Variants in SRGAP1 observed in about 807,000 individuals in gnomAD.
SRGAP1 encodes the protein SLIT-ROBO Rho GTPase activating protein 1.
In SRGAP1, 43 loss-of-function variants were observed where a neutral mutation model predicts 121.9. The ratio of observed to expected loss-of-function variants is 0.35; its 90% confidence interval spans 0.28 to 0.46. The LOEUF is 0.46. Ranked by LOEUF, SRGAP1 falls within the 20% of genes least tolerant of loss-of-function variation. The pLI, the probability that SRGAP1 is intolerant of heterozygous loss-of-function variation, is 1.00. For missense variants in SRGAP1, 1,102 were observed against 1,350.9 expected (o/e 0.82, Z 2.89); for synonymous variants, 447 against 485.4 (o/e 0.92, Z 1.04).
chr12:64,003,010 G>C (rs911892497), intron 3 of SRGAP1, among the ~76,000 whole-genome samples: 1 of 145,892 alleles, frequency 6.9e-6, no homozygotes, highest in African/African-American at 2.6e-5. Context: ...CTTGGGGGGG[G>C]TGTGTATGTG....
rs1363345944 is a variant in SRGAP1 at position 64,151,362 on chromosome 12, A to G, written c.*8690A>G. The G allele has an allele frequency of 6.6e-6, 1 of 152,090 alleles. No individual in the cohort carries two copies. Among genetic ancestry groups the G allele is most frequent in the Non-Finnish European group, 1.5e-5 (1 of 68,002 alleles). The allele number at this position is 152,090 out of a possible 1,614,324, so 9.4% of individuals were successfully genotyped here. A position where few individuals can be genotyped will look rare whatever the true frequency, so the allele number is the denominator to read the frequency against. Reference sequence around the variant, plus strand: ...CTGTATAATATTCTAGCGTATGAACACATCATTATTTAACCATTTTCCTGT... The same window carrying G: ...CTGTATAATATTCTAGCGTATGAACGCATCATTATTTAACCATTTTCCTGT... On this transcript the variant is annotated 3_prime_UTR_variant, in exon 22 of 22. Coordinates refer to ENST00000355086, the MANE Select transcript of SRGAP1 (RefSeq NM_020762.4).
intron 5 of SRGAP1, 121 bp downstream of exon 5, chr12:64,043,093 C>T (rs763223601): frequency 8.1e-5 from 58 of 720,364 alleles, no homozygotes; most frequent in Non-Finnish European, 1.1e-4. Context: ...CATTTCCTCC[C>T]ATGGGAATGA....
At chr12:64,052,203 A>G (rs1263726282) in intron 6 of SRGAP1, among the ~76,000 whole-genome samples, 3 of 152,100 alleles carry the variant, frequency 2.0e-5, no homozygotes, top group African/African-American at 7.2e-5. Context: ...TGGAGAAGGG[A>G]AGGAACTGTG....
chr12:63,979,187 A>G (rs544711465), intron 1 of SRGAP1, among the ~76,000 whole-genome samples: 1 of 151,676 alleles, frequency 6.6e-6, no homozygotes, highest in South Asian at 2.1e-4. Context: ...CTACAGGTGC[A>G]CACCACCACG....
At chr12:64,075,392 C>G (rs990229653) in intron 8 of SRGAP1, among the ~76,000 whole-genome samples, 1 of 152,162 alleles carries the variant, frequency 6.6e-6, no homozygotes, top group South Asian at 2.1e-4. Flanking sequence ...TGCCCTCTTG[C>G]GGTAAACCCA....
chr12:63,902,575 A>G (rs1294662144), intron 1 of SRGAP1, among the ~76,000 whole-genome samples: 1 of 152,204 alleles, frequency 6.6e-6, no homozygotes, highest in Non-Finnish European at 1.5e-5. Context: ...CTTCCCTAAA[A>G]TGATGGACTA....
intron 12 of SRGAP1, chr12:64,092,045 G>C: frequency 1.2e-6 from 1 of 806,458 alleles, no homozygotes; most frequent in South Asian, 1.8e-5. Flanking sequence ...TTTGCATTTG[G>C]AAATCAGACA....
chr12:63,884,057 C>T (rs1233129741), intron 1 of SRGAP1, among the ~76,000 whole-genome samples: 2 of 150,610 alleles, frequency 1.3e-5, no homozygotes, highest in African/African-American at 4.9e-5. Flanking sequence ...GCTAGGCGGG[C>T]GGATCACTTG....
intron 18 of SRGAP1, among the ~76,000 whole-genome samples, chr12:64,118,669 T>A (rs1043448016): frequency 6.6e-6 from 1 of 152,210 alleles, no homozygotes; most frequent in Non-Finnish European, 1.5e-5. Context: ...TTCAGCATTT[T>A]AAAATATACC....
chr12:64,003,529 A>G (rs2033978414), intron 3 of SRGAP1, among the ~76,000 whole-genome samples: 1 of 151,986 alleles, frequency 6.6e-6, no homozygotes, highest in East Asian at 1.9e-4. Flanking sequence ...GAACTGAAAA[A>G]TGCTATAACT....
chr12:63,874,872 C>T (rs1899978911), intron 1 of SRGAP1, among the ~76,000 whole-genome samples: 1 of 152,076 alleles, frequency 6.6e-6, no homozygotes, highest in Non-Finnish European at 1.5e-5. Flanking sequence ...TGTGTAACTA[C>T]TTGTTTAATG....
chr12:63,851,218 CT>C (rs1229841180), intron 1 of SRGAP1, among the ~76,000 whole-genome samples: 1 of 152,152 alleles, frequency 6.6e-6, no homozygotes, highest in African/African-American at 2.4e-5. Context: ...CTCAGAACTA[CT>C]TTCTAATTTA....
chr12:64,098,374 A>C lies in SRGAP1; in HGVS notation c.1813+999A>C, dbSNP rs576935756. Among the ~76,000 whole-genome samples the C allele has an allele frequency of 5.9e-5, 9 of 152,176 alleles. No individual in the cohort carries two copies. In the East Asian group the frequency reaches 1.7e-3, roughly 29 times the overall value. On this transcript the variant is annotated intron_variant, in intron 15 of 21. Transcript: ENST00000355086. ...GCAGCTAGAGTTAAAAAAAAAAAAAAAACTGGGTTGCTTGCTTTCTCCCCT... is the reference window on the plus strand; with the variant it reads ...GCAGCTAGAGTTAAAAAAAAAAAAACAACTGGGTTGCTTGCTTTCTCCCCT...
At chr12:64,097,998 T>C (rs1454970948) in intron 15 of SRGAP1, among the ~76,000 whole-genome samples, 1 of 152,140 alleles carries the variant, frequency 6.6e-6, no homozygotes, top group Non-Finnish European at 1.5e-5. Flanking sequence ...AATGATACCA[T>C]GAATTAATTA....
chr12:64,109,006 G>C lies in SRGAP1; in HGVS notation c.1888G>C (p.Val630Leu). ...LLTLPRSVLI[V>L]MRYLFAFLNH... ...GACTTTGCCCAGGTCGGTCCTTATA[G>C]TGATGAGGTACCTCTTTGCCTTCCT... Residue 630 changes from valine to leucine, a missense_variant, in exon 16 of 22, where the codon GTG becomes CTG. Coordinates refer to ENST00000355086, the MANE Select transcript of SRGAP1 (RefSeq NM_020762.4). The C allele has an allele frequency of 6.3e-7, 1 of 1,587,720 alleles. No homozygotes were observed. The highest frequency in any genetic ancestry group is 8.6e-7 in the Non-Finnish European group (1 of 1,162,572).
chr12:64,142,433 G>A lies in SRGAP1; in HGVS notation c.3019G>A (p.Glu1007Lys). 3 of 1,614,070 alleles carry A rather than the reference G, an allele frequency of 1.9e-6. No individual in the cohort carries two copies. The highest frequency in any genetic ancestry group is 2.5e-6 in the Non-Finnish European group (3 of 1,180,012). ...CTCTCCCACCCCTGCCACTTCCACG[G>A]AATCTCTCAGCCCTTTGCACAACGT... Reference protein sequence around the residue: ...KNSPTPATSTESLSPLHNVAL... With the variant: ...KNSPTPATSTKSLSPLHNVAL... Residue 1007 changes from glutamate to lysine, a missense_variant, in exon 22 of 22, where the codon GAA (glutamate) becomes AAA (lysine). By Grantham distance (56) the Glu-to-Lys change is moderately conservative (BLOSUM62 1). Around this residue, in one of 3 missense-constraint regions of SRGAP1, gnomAD observed 315 missense variants for 343.1 expected, o/e 0.92. Coordinates refer to ENST00000355086, the MANE Select transcript of SRGAP1 (RefSeq NM_020762.4).
chr12:63,846,201 A>G (rs533769842), intron 1 of SRGAP1, among the ~76,000 whole-genome samples: 1 of 152,324 alleles, frequency 6.6e-6, no homozygotes, highest in Non-Finnish European at 1.5e-5. Context: ...ATTTATACTT[A>G]CAGGAACTTG....
chr12:63,998,754 T>A (rs1440513117), intron 3 of SRGAP1, among the ~76,000 whole-genome samples: 4 of 152,190 alleles, frequency 2.6e-5, no homozygotes, highest in Admixed American at 6.5e-5. Flanking sequence ...CAGGCAAGCA[T>A]GAACTTCCTT....
At chr12:64,069,890 A>G (rs1051473123) in intron 8 of SRGAP1, among the ~76,000 whole-genome samples, 1 of 152,196 alleles carries the variant, frequency 6.6e-6, no homozygotes, top group African/African-American at 2.4e-5. Flanking sequence ...AAAAAACAAA[A>G]TAATATGCCC....
Sources: gnomAD v4.1 joint callset for allele counts (sites outside exome capture counted in the v4.1 genomes callset) on GRCh38, gnomAD v4.1.1 for gene constraint, gnomAD v4.1.1 regional missense constraint, MANE v1.5 for transcripts, NCBI Gene and HGNC (gene_info 2026-07-23, HGNC 2026-07-21) for gene names.